Variants in SLC39A10 observed in about 807,000 individuals in gnomAD.
SLC39A10 encodes solute carrier family 39 member 10, also known as zinc transporter ZIP10.
In SLC39A10, 13 loss-of-function variants were observed where a neutral mutation model predicts 65.1. The ratio of observed to expected loss-of-function variants is 0.20; its 90% CI spans 0.13 to 0.32. The LOEUF (loss-of-function observed/expected upper bound fraction) is 0.32, where lower values mean the gene tolerates loss of function less well. Ranked by LOEUF, SLC39A10 falls within the 10% of genes least tolerant of loss-of-function variation. The probability of loss-of-function intolerance (pLI) is 1.00; values close to 1 mark genes in which losing one functional copy is unlikely to be tolerated. For synonymous variants in SLC39A10, 321 were observed against 342.2 expected (o/e 0.94, Z 0.68); for missense variants, 831 against 1,018.4 (o/e 0.82, Z 2.50).
At chr2:195,658,190 A>C (rs576669593) in intron 1 of SLC39A10, 1 of 152,474 alleles carries the variant, frequency 6.6e-6, no homozygotes, top group South Asian at 2.1e-4. Flanking sequence ...CCAGCTAAGA[A>C]GGGCGGGGGC....
At chr2:195,649,586 C>G (rs916691005) in intron 2 of SLC39A10, among the ~76,000 whole-genome samples, 14 of 152,074 alleles carry the variant, frequency 9.2e-5, no homozygotes, top group African/African-American at 3.1e-4. Flanking sequence ...AACAAATGAG[C>G]CTTTTTAAAA....
intron 1 of SLC39A10, among the ~76,000 whole-genome samples, chr2:195,660,093 A>C (rs1689327113): frequency 6.6e-6 from 1 of 152,176 alleles, no homozygotes; most frequent in African/African-American, 2.4e-5. Context: ...CATACTGCTT[A>C]TGACACATGA....
At chr2:195,682,361 A>ATTTGG (rs1263693783) in intron 2 of SLC39A10, among the ~76,000 whole-genome samples, 3 of 152,074 alleles carry the variant, frequency 2.0e-5, no homozygotes, top group Non-Finnish European at 4.4e-5. Context: ...ATCATCAGCT[A>ATTTGG]TTTGGTTTTC....
chr2:195,650,657 G>A (rs1689012726), intron 2 of SLC39A10, among the ~76,000 whole-genome samples: 1 of 151,970 alleles, frequency 6.6e-6, no homozygotes. Context: ...TTCTCCCCTG[G>A]GTGAGAAGTT....
intron 3 of SLC39A10, among the ~76,000 whole-genome samples, chr2:195,705,806 GC>G (rs1370327267): frequency 6.6e-6 from 1 of 151,944 alleles, no homozygotes; most frequent in Non-Finnish European, 1.5e-5. Context: ...AAAATGTCCA[GC>G]CCCCAAACCA....
chr2:195,622,972 CAA>C (rs11440347), intron 2 of SLC39A10, among the ~76,000 whole-genome samples: 1,617 of 96,750 alleles, frequency 0.017, 15 homozygotes, highest in African/African-American at 0.064. Flanking sequence ...ACTCCTGTCT[CAA>C]AAAAAAAAAA....
chr2:195,677,502 C>G (rs972056504), intron 1 of SLC39A10, among the ~76,000 whole-genome samples: 9 of 152,038 alleles, frequency 5.9e-5, no homozygotes, highest in African/African-American at 2.2e-4. Context: ...CCACTGTACT[C>G]TAGCCTGGGT....
At chr2:195,679,978 T>C in intron 1 of SLC39A10, 54 bp from the exon 2 acceptor site, 1 of 1,419,716 alleles carries the variant, frequency 7.0e-7, no homozygotes, top group South Asian at 1.6e-5. Context: ...TTAGATTGTT[T>C]TGAATGTGTC....
At chr2:195,643,963 T>G (rs1336696144) in intron 2 of SLC39A10, among the ~76,000 whole-genome samples, 1 of 152,226 alleles carries the variant, frequency 6.6e-6, no homozygotes, top group African/African-American at 2.4e-5. Flanking sequence ...CACCACACAT[T>G]GTTGAGTACC....
At chr2:195,659,881 C>T (rs1421202085) in intron 1 of SLC39A10, among the ~76,000 whole-genome samples, 1 of 152,124 alleles carries the variant, frequency 6.6e-6, no homozygotes, top group Non-Finnish European at 1.5e-5. Flanking sequence ...TGACTACCCC[C>T]AGAATGAGCT....
chr2:195,659,861 A>AGAATGAG (rs1689314325), intron 1 of SLC39A10, among the ~76,000 whole-genome samples: 1 of 150,724 alleles, frequency 6.6e-6, no homozygotes, highest in Non-Finnish European at 1.5e-5. Flanking sequence ...TTCTCCCTCC[A>AGAATGAG]CTCCCTCCTT....
At chr2:195,730,800 A>G (rs1031452792) in intron 9 of SLC39A10, among the ~76,000 whole-genome samples, 1 of 152,164 alleles carries the variant, frequency 6.6e-6, no homozygotes, top group Non-Finnish European at 1.5e-5. Flanking sequence ...CTACTACTTG[A>G]CCAGCCTGTC....
rs140710445 is a variant in SLC39A10, at chr2:195,695,213, C to T, written c.1216+11307C>T. Among the ~76,000 whole-genome samples the T allele has an allele frequency of 2.7e-3, 405 of 152,298 alleles. 2 individuals carry two copies. Among genetic ancestry groups the T allele is most frequent in the African/African-American group, 9.1e-3 (379 of 41,568 alleles). On this transcript the variant is annotated intron_variant, in intron 3 of 9. Coordinates refer to ENST00000359634, the MANE Select transcript of SLC39A10 (RefSeq NM_020342.3). ...GCAACCTGGGCAGGTAGAGAAAGAC[C>T]ACCAGGTTGGGGTAGAGATAGGCAT...
chr2:195,644,761 G>A (rs1310317682), intron 2 of SLC39A10, among the ~76,000 whole-genome samples: 3 of 150,882 alleles, frequency 2.0e-5, no homozygotes. Flanking sequence ...GCTTTATCAC[G>A]CCACTGCACT....
At chr2:195,701,848 G>C (rs958266469) in intron 3 of SLC39A10, among the ~76,000 whole-genome samples, 1 of 151,616 alleles carries the variant, frequency 6.6e-6, no homozygotes, top group Non-Finnish European at 1.5e-5. Flanking sequence ...TGCCCAGCTA[G>C]TTTTTGTATT....
At chr2:195,711,177 TA>T (rs1481134399) in intron 5 of SLC39A10, among the ~76,000 whole-genome samples, 1 of 152,238 alleles carries the variant, frequency 6.6e-6, no homozygotes, top group African/African-American at 2.4e-5. Flanking sequence ...TGTGACAATC[TA>T]AGATCTGAAA....
chr2:195,688,041 ATAAC>A (rs1690593892), intron 3 of SLC39A10, among the ~76,000 whole-genome samples: 1 of 152,234 alleles, frequency 6.6e-6, no homozygotes, highest in African/African-American at 2.4e-5. Flanking sequence ...GAGTCAGTGA[ATAAC>A]TAAGCTTGAA....
At chr2:195,625,361 C>T (rs1206311862) in intron 2 of SLC39A10, among the ~76,000 whole-genome samples, 1 of 151,560 alleles carries the variant, frequency 6.6e-6, no homozygotes, top group Non-Finnish European at 1.5e-5. Context: ...CCGCAACCTC[C>T]GCCTCCCAAG....
intron 2 of SLC39A10, among the ~76,000 whole-genome samples, chr2:195,639,242 G>A (rs751973123): frequency 2.0e-5 from 3 of 152,206 alleles, no homozygotes; most frequent in Non-Finnish European, 4.4e-5. Flanking sequence ...GTGAGCCACT[G>A]TATCTGACTG....
Sources: gnomAD v4.1 joint callset for allele counts (sites outside exome capture counted in the v4.1 genomes callset) on GRCh38, gnomAD v4.1.1 for gene constraint, MANE v1.5 for transcripts, NCBI Gene and HGNC (gene_info 2026-07-23, HGNC 2026-07-21) for gene names.